PRDM1: variants seen among roughly 807,000 people sequenced by gnomAD.
PRDM1 encodes the protein PR domain zinc finger protein 1.
In PRDM1, 13 loss-of-function variants were observed where a neutral mutation model predicts 62.8. That is an observed-to-expected ratio of 0.21 (90% CI 0.13 to 0.33). The LOEUF is 0.33. Among genes scored for constraint, PRDM1 ranks in the 10% least tolerant of loss-of-function variants. The pLI, the probability that PRDM1 is intolerant of heterozygous loss-of-function variation, is 1.00. For missense variants in PRDM1, 895 were observed against 1,058.8 expected (o/e 0.85, Z 2.15); for synonymous variants, 396 against 417.6 (o/e 0.95, Z 0.63).
At chr6:106,100,937 C>T (rs1484962866) in intron 4 of PRDM1, among the ~76,000 whole-genome samples, 3 of 152,130 alleles carry the variant, frequency 2.0e-5, no homozygotes, top group Non-Finnish European at 4.4e-5. Flanking sequence ...GTCTCTTCAG[C>T]GCTCCCCGAG....
intron 1 of PRDM1, among the ~76,000 whole-genome samples, chr6:106,071,846 G>A (rs748461471): frequency 1.2e-4 from 19 of 152,018 alleles, no homozygotes; most frequent in Admixed American, 3.3e-4. Flanking sequence ...CATCTAAAAG[G>A]TTGGCATCTG....
intron 1 of PRDM1, among the ~76,000 whole-genome samples, chr6:106,038,265 G>A (rs751352562): frequency 4.6e-5 from 7 of 151,834 alleles, no homozygotes; most frequent in Non-Finnish European, 7.4e-5. Context: ...GATTATAGGC[G>A]TGAGCCACCA....
chr6:106,033,210 G>A (rs1360364265), intron 1 of PRDM1, among the ~76,000 whole-genome samples: 1 of 151,820 alleles, frequency 6.6e-6, no homozygotes, highest in African/African-American at 2.4e-5. Context: ...CACAATCATA[G>A]CTCACTGTAA....
upstream of PRDM1, among the ~76,000 whole-genome samples, chr6:106,048,498 TG>T (rs1228824614): frequency 6.6e-6 from 1 of 152,228 alleles, no homozygotes; most frequent in Non-Finnish European, 1.5e-5. Flanking sequence ...AGCTTAGTTC[TG>T]TCCATACCTG....
At chr6:106,048,857 C>G (rs1773122942) in intron 1 of PRDM1, among the ~76,000 whole-genome samples, 1 of 151,436 alleles carries the variant, frequency 6.6e-6, no homozygotes, top group Non-Finnish European at 1.5e-5. Flanking sequence ...GAGACAGAGT[C>G]TTGCTCTGTC....
At chr6:106,084,799 C>G (rs1474849966), upstream of PRDM1, among the ~76,000 whole-genome samples, 5 of 152,156 alleles carry the variant, frequency 3.3e-5, no homozygotes, top group African/African-American at 9.7e-5. Flanking sequence ...GCAGATCTGC[C>G]TTCTAAAAGT....
chr6:106,035,610 C>CAG (rs1205275072), intron 1 of PRDM1, among the ~76,000 whole-genome samples: 8 of 151,646 alleles, frequency 5.3e-5, no homozygotes, highest in Admixed American at 1.3e-4. Flanking sequence ...GCCTGGGTGA[C>CAG]AGAGAGAGAG....
upstream of PRDM1, among the ~76,000 whole-genome samples, chr6:106,048,001 A>G (rs1300182334): frequency 2.0e-5 from 3 of 152,196 alleles, no homozygotes; most frequent in African/African-American, 7.2e-5. Flanking sequence ...ATGTAGTGGT[A>G]ATAAGTAAAT....
At position 106,074,236 on chromosome 6, in the gene PRDM1, C is replaced by T. The variant is rs570140107; in HGVS notation, c.-66-13965C>T. ...GCAGATGAAATGTTGTAGGCCTATA[C>T]GCATAACTGAGTGACCAAAAGAAAA... is the stretch of plus-strand genomic sequence containing the variant. On this transcript the variant is annotated intron_variant, in intron 1 of 6. Transcript: ENST00000651185. Among the ~76,000 whole-genome samples, 39 of 152,220 alleles carry T rather than the reference C, an allele frequency of 2.6e-4. 1 individual carries two copies. The highest frequency in any genetic ancestry group is 8.7e-4 in the African/African-American group (36 of 41,536).
At chr6:106,071,350 A>G (rs1773513208) in intron 1 of PRDM1, among the ~76,000 whole-genome samples, 1 of 152,150 alleles carries the variant, frequency 6.6e-6, no homozygotes. Flanking sequence ...TATATGTTAT[A>G]TATGTATGTA....
chr6:106,104,100 A>G (rs984004206), intron 4 of PRDM1, among the ~76,000 whole-genome samples: 1 of 152,206 alleles, frequency 6.6e-6, no homozygotes, highest in African/African-American at 2.4e-5. Flanking sequence ...TTTAGTTCTC[A>G]GGGTATGCTG....
chr6:106,101,053 C>T (rs779247526), intron 4 of PRDM1, among the ~76,000 whole-genome samples: 6 of 152,138 alleles, frequency 3.9e-5, no homozygotes, highest in Middle Eastern at 3.4e-3. Flanking sequence ...TAGTAACAAA[C>T]GACAAATGCA....
chr6:106,059,051 G>A (rs1049441948), intron 1 of PRDM1, among the ~76,000 whole-genome samples: 1 of 152,094 alleles, frequency 6.6e-6, no homozygotes, highest in Admixed American at 6.5e-5. Context: ...ATCAAGCATT[G>A]TCCTAAGTGC....
At chr6:106,075,157 A>G (rs1489788622) in intron 1 of PRDM1, among the ~76,000 whole-genome samples, 1 of 152,146 alleles carries the variant, frequency 6.6e-6, no homozygotes, top group African/African-American at 2.4e-5. Context: ...TGTGTTATCA[A>G]TATTTCTTAA....
At chr6:106,099,720 A>G (rs1215780347) in intron 4 of PRDM1, 168 bp downstream of exon 4, 15 of 824,040 alleles carry the variant, frequency 1.8e-5, no homozygotes, top group Non-Finnish European at 2.8e-5. Context: ...GTCCCTATTA[A>G]CTATTAGGAA....
intron 1 of PRDM1, among the ~76,000 whole-genome samples, chr6:106,054,851 G>A (rs1241210505): frequency 6.6e-6 from 1 of 152,182 alleles, no homozygotes; most frequent in Non-Finnish European, 1.5e-5. Context: ...TATGAGAATA[G>A]TGTATATGTG....
At chr6:106,068,946 G>T (rs1161701017) in intron 1 of PRDM1, among the ~76,000 whole-genome samples, 1 of 152,158 alleles carries the variant, frequency 6.6e-6, no homozygotes, top group African/African-American at 2.4e-5. Flanking sequence ...TCAGCTGCAG[G>T]TGACTTCCTA....
intron 1 of PRDM1, among the ~76,000 whole-genome samples, chr6:106,018,674 G>A (rs1297329470): frequency 6.6e-6 from 1 of 151,982 alleles, no homozygotes; most frequent in Non-Finnish European, 1.5e-5. Flanking sequence ...AATATGATTA[G>A]TCTGGGGTTA....
At chr6:106,038,014 C>CTTTTTTTTTTTTTGTTTTTTTTTTTT (rs1772945411) in intron 1 of PRDM1, among the ~76,000 whole-genome samples, 1 of 47,800 alleles carries the variant, frequency 2.1e-5, no homozygotes, top group Non-Finnish European at 3.5e-5. Context: ...CTATTTTTGT[C>CTTTTTTTTTTTTTGTTTTTTTTTTTT]TTTTTTTTTT....
Sources: gnomAD v4.1 joint callset for allele counts (sites outside exome capture counted in the v4.1 genomes callset) on GRCh38, gnomAD v4.1.1 for gene constraint, MANE v1.5 for transcripts, NCBI Gene and HGNC (gene_info 2026-07-23, HGNC 2026-07-21) for gene names.